The following NKAIN3 variants were observed in gnomAD, a reference collection of about 807,000 sequenced individuals.
NKAIN3 encodes the protein sodium/potassium-transporting ATPase subunit beta-1-interacting protein 3.
NKAIN3 carries 25 observed loss-of-function variants against 30.2 expected under a neutral mutation model. That is an observed-to-expected ratio of 0.83 (90% CI 0.60 to 1.16). The LOEUF is 1.16. NKAIN3 is among the 50% of genes most tolerant of loss of function. The probability of loss-of-function intolerance (pLI) is 0.00; values close to 1 mark genes in which losing one functional copy is unlikely to be tolerated. For missense variants in NKAIN3, 225 were observed against 254.1 expected (o/e 0.89, Z 0.78); for synonymous variants, 91 against 89.6 (o/e 1.02, Z -0.09).
chr8:62,370,403 T>A (rs2129593205), intron 1 of NKAIN3, among the ~76,000 whole-genome samples: 1 of 151,780 alleles, frequency 6.6e-6, no homozygotes, highest in East Asian at 1.9e-4. Context: ...TAAACTTGCT[T>A]GAAGCTGAAA....
chr8:62,679,623 A>T (rs1813589999), intron 3 of NKAIN3, among the ~76,000 whole-genome samples: 1 of 152,182 alleles, frequency 6.6e-6, no homozygotes, highest in African/African-American at 2.4e-5. Flanking sequence ...TGGAATCATG[A>T]CAGAAGGTGA....
At chr8:62,312,234 T>C (rs1194478173) in intron 1 of NKAIN3, among the ~76,000 whole-genome samples, 2 of 150,842 alleles carry the variant, frequency 1.3e-5, no homozygotes, top group African/African-American at 5.0e-5. Context: ...AAGAGTTATG[T>C]AGCAGTTTTA....
At chr8:62,707,135 G>C (rs768079143) in intron 3 of NKAIN3, among the ~76,000 whole-genome samples, 3 of 151,760 alleles carry the variant, frequency 2.0e-5, no homozygotes, top group Non-Finnish European at 4.4e-5. Context: ...TGATTGATGA[G>C]CATTTTGGTT....
intron 3 of NKAIN3, among the ~76,000 whole-genome samples, chr8:62,723,683 T>C (rs1438439235): frequency 3.3e-5 from 5 of 152,158 alleles, no homozygotes; most frequent in Admixed American, 6.5e-5. Flanking sequence ...TAAACTATAC[T>C]GTCACATAGA....
chr8:62,790,820 C>T (rs921728949), intron 4 of NKAIN3, among the ~76,000 whole-genome samples: 3 of 151,926 alleles, frequency 2.0e-5, no homozygotes, highest in Non-Finnish European at 4.4e-5. Flanking sequence ...GTGCATAATC[C>T]TCCCATCACA....
chr8:62,410,020 T>C (rs1295923387), intron 1 of NKAIN3, among the ~76,000 whole-genome samples: 1 of 152,186 alleles, frequency 6.6e-6, no homozygotes, highest in Admixed American at 6.5e-5. Context: ...GGAGCACATG[T>C]TCAGGTTTGT....
chr8:62,568,356 A>G (rs981050501), intron 1 of NKAIN3, among the ~76,000 whole-genome samples: 2 of 152,220 alleles, frequency 1.3e-5, no homozygotes, highest in African/African-American at 4.8e-5. Flanking sequence ...TAATAAATAT[A>G]AAAAATTGAA....
At chr8:62,400,903 T>G (rs1232062196) in intron 1 of NKAIN3, among the ~76,000 whole-genome samples, 18 of 152,168 alleles carry the variant, frequency 1.2e-4, no homozygotes, top group Admixed American at 1.2e-3. Context: ...TAGACTTACT[T>G]AGGATAAATG....
intron 1 of NKAIN3, among the ~76,000 whole-genome samples, chr8:62,540,590 C>A (rs1215013822): frequency 6.6e-6 from 1 of 152,086 alleles, no homozygotes; most frequent in African/African-American, 2.4e-5. Flanking sequence ...TAAATTTTAT[C>A]TTCTTGGAGA....
intron 1 of NKAIN3, among the ~76,000 whole-genome samples, chr8:62,373,070 C>G (rs1816958413): frequency 6.6e-6 from 1 of 152,004 alleles, no homozygotes; most frequent in Non-Finnish European, 1.5e-5. Context: ...AGAAAATAGT[C>G]TTGGGTTATT....
chr8:62,849,331 A>C lies in NKAIN3; in HGVS notation c.472-69122A>C, dbSNP rs1247463102. Among the ~76,000 whole-genome samples the C allele has an allele frequency of 3.7e-5, 3 of 81,264 alleles. No individual in the cohort carries two copies. The Admixed American group carries it at 4.7e-4, about 13-fold the overall frequency. 53.3% of individuals were successfully genotyped at this position (81,264 alleles called of 152,430 possible). A position where few individuals can be genotyped will look rare whatever the true frequency, so the allele number is the denominator to read the frequency against. On this transcript the variant is annotated intron_variant, in intron 4 of 6. Transcript: ENST00000623646. ...TTTTTTTTTGGTTGGTAGGTTATTT[A>C]TTACTGTCTCAATTTCAGAACTCTC...
chr8:62,413,271 A>G (rs1041089150), intron 1 of NKAIN3, among the ~76,000 whole-genome samples: 5 of 152,204 alleles, frequency 3.3e-5, no homozygotes, highest in Admixed American at 6.5e-5. Flanking sequence ...TTTAAGGACT[A>G]TCAGTTCTGT....
intron 3 of NKAIN3, among the ~76,000 whole-genome samples, chr8:62,649,504 G>C (rs961327490): frequency 1.3e-5 from 2 of 152,134 alleles, no homozygotes; most frequent in African/African-American, 4.8e-5. Flanking sequence ...AAGCCAAGTA[G>C]AGTTGTTTTT....
At chr8:62,880,089 A>G (rs2130812337) in intron 4 of NKAIN3, among the ~76,000 whole-genome samples, 1 of 152,356 alleles carries the variant, frequency 6.6e-6, no homozygotes, top group South Asian at 2.1e-4. Flanking sequence ...CATGCCAGAC[A>G]TTAACCAATT....
At chr8:62,845,574 T>C (rs1819666580) in intron 4 of NKAIN3, among the ~76,000 whole-genome samples, 1 of 151,918 alleles carries the variant, frequency 6.6e-6, no homozygotes, top group Admixed American at 6.6e-5. Context: ...TGATGTAGCT[T>C]ACACATTTAT....
intron 1 of NKAIN3, among the ~76,000 whole-genome samples, chr8:62,478,102 G>A (rs1358988148): frequency 6.6e-6 from 1 of 152,002 alleles, no homozygotes; most frequent in African/African-American, 2.4e-5. Context: ...CCATCACATT[G>A]GAGATTAGGG....
intron 6 of NKAIN3, among the ~76,000 whole-genome samples, chr8:62,960,717 A>G (rs1235404771): frequency 7.2e-6 from 1 of 138,670 alleles, no homozygotes; most frequent in East Asian, 2.1e-4. Flanking sequence ...GAAAGATTAC[A>G]CAATACGCAG....
intron 5 of NKAIN3, among the ~76,000 whole-genome samples, chr8:62,941,019 A>C (rs1436595168): frequency 6.6e-6 from 1 of 152,114 alleles, no homozygotes; most frequent in African/African-American, 2.4e-5. Context: ...TGCAATATTA[A>C]CCAAGAAAAG....
At chr8:62,765,883 T>C (rs1056983993) in intron 4 of NKAIN3, among the ~76,000 whole-genome samples, 4 of 152,144 alleles carry the variant, frequency 2.6e-5, no homozygotes, top group African/African-American at 9.6e-5. Context: ...GTATTCATAT[T>C]CAATTAATAT....
Sources: allele counts gnomAD v4.1 joint callset (sites outside exome capture counted in the v4.1 genomes callset), GRCh38; gene constraint gnomAD v4.1.1; transcripts MANE v1.5; gene names NCBI Gene and HGNC (gene_info 2026-07-23, HGNC 2026-07-21).